Variants in CASK observed in about 807,000 individuals in gnomAD.
CASK encodes peripheral plasma membrane protein CASK.
Under a neutral mutation model 82.9 loss-of-function variants are expected in CASK, and 4 were observed. The ratio of observed to expected loss-of-function variants is 0.05; its 90% CI spans 0.02 to 0.11. The LOEUF is 0.11. Ranked by LOEUF, CASK falls within the 10% of genes least tolerant of loss-of-function variation. The probability of loss-of-function intolerance (pLI) is 1.00; values close to 1 mark genes in which losing one functional copy is unlikely to be tolerated. For synonymous variants in CASK, 259 were observed against 253.5 expected (o/e 1.02, Z -0.20); for missense variants, 358 against 720.9 (o/e 0.50, Z 5.76).
At chrX:41,634,176 G>C (rs1238455056) in intron 9 of CASK, among the ~76,000 whole-genome samples, 1 of 112,205 alleles carries the variant, frequency 8.9e-6, no homozygotes, top group Non-Finnish European at 1.9e-5. Flanking sequence ...TGTCTGGGTA[G>C]GATGAGCACC....
chrX:41,779,819 C>G (rs2069439575), intron 3 of CASK, among the ~76,000 whole-genome samples: 2 of 110,031 alleles, frequency 1.8e-5, no homozygotes, highest in Admixed American at 2.0e-4. Context: ...CACAAACACT[C>G]CCTTCCCCAG....
chrX:41,553,386 A>AT (rs1195981592), intron 21 of CASK, among the ~76,000 whole-genome samples: 1 of 111,268 alleles, frequency 9.0e-6, no homozygotes, highest in Non-Finnish European at 1.9e-5. Flanking sequence ...GAGAACGTAC[A>AT]TTTTTTTAAT....
chrX:41,570,010 C>CTTTTTTTTTTTTTTTT (rs397937722), intron 15 of CASK, among the ~76,000 whole-genome samples: 11 of 70,623 alleles, frequency 1.6e-4, no homozygotes, highest in Non-Finnish European at 2.1e-4. Flanking sequence ...TTTCTTTTTT[C>CTTTTTTTTTTTTTTTT]TTTTTTTTTT....
intron 2 of CASK, among the ~76,000 whole-genome samples, chrX:41,797,350 A>G (rs1207519125): frequency 1.8e-5 from 2 of 109,313 alleles, no homozygotes; most frequent in African/African-American, 6.7e-5. Context: ...TCAAGATCCC[A>G]CTTAGACGTT....
Position 41,517,426 on chromosome X carries a change from G to A in CASK, c.*2994C>T. ...AACTTCCAGATGAATTAAATTGAGT[G>A]ACATTTCCCTTTTTAGCATTAAAAT... On this transcript the variant is annotated 3_prime_UTR_variant, in exon 27 of 27. Coordinates refer to ENST00000378163, the MANE Select transcript of CASK (RefSeq NM_001367721.1). 6.4e-6 allele frequency: 1 copy of A among 155,191 alleles called. No individual in the cohort carries two copies. 12.8% of individuals were successfully genotyped at this position (155,191 alleles called of 1,213,427 possible). A position where few individuals can be genotyped will look rare whatever the true frequency, so the allele number is the denominator to read the frequency against.
At chrX:41,608,520 A>C (rs2065991948) in intron 12 of CASK, among the ~76,000 whole-genome samples, 1 of 112,072 alleles carries the variant, frequency 8.9e-6, no homozygotes, top group African/African-American at 3.2e-5. Flanking sequence ...ACCCCAAAGC[A>C]AGTATGATTC....
intron 5 of CASK, among the ~76,000 whole-genome samples, chrX:41,708,181 C>G (rs2067915579): frequency 9.1e-6 from 1 of 109,729 alleles, no homozygotes; most frequent in Admixed American, 9.7e-5. Flanking sequence ...AGTTGTTACA[C>G]TGACAGGAGG....
Position 41,517,666 on chromosome X carries a change from AAAAG to A in CASK, c.*2750_*2753del, listed in dbSNP as rs961420342. ...ACTCTAAACATTCATTCTGGTCTTT[AAAAG>A]AAAGAAAGAAAAAAAAAGGTTCTGC... is the stretch of plus-strand genomic sequence containing the variant. On this transcript the variant is annotated 3_prime_UTR_variant, in exon 27 of 27. Coordinates refer to ENST00000378163, the MANE Select transcript of CASK (RefSeq NM_001367721.1). 55 of 457,017 alleles carry A rather than the reference AAAAG, an allele frequency of 1.2e-4. No individual in the cohort carries two copies. Among genetic ancestry groups the A allele is most frequent in the Admixed American group, 4.7e-4 (14 of 29,907 alleles). The allele number at this position is 457,017 out of a possible 1,213,427, so 37.7% of individuals were successfully genotyped here.
At chrX:41,760,666 G>A (rs2068983455) in intron 3 of CASK, among the ~76,000 whole-genome samples, 2 of 110,984 alleles carry the variant, frequency 1.8e-5, no homozygotes, top group Admixed American at 9.6e-5. Context: ...CAACTAGGAC[G>A]TTGGTTAGTT....
rs184312606 is a variant in CASK, at chrX:41,821,451, T to C, written c.172+31664A>G. ...GGCAAGGATGTGGAAAAGCTGTAAC[T>C]CTCATACATTACTGGTAATAACATA... On this transcript the variant is annotated intron_variant, in intron 2 of 26. Coordinates refer to ENST00000378163, the MANE Select transcript of CASK (RefSeq NM_001367721.1). Among the ~76,000 whole-genome samples the C allele has an allele frequency of 1.2e-3, 135 of 112,031 alleles. 2 individuals are homozygous for C. The highest frequency in any genetic ancestry group is 4.2e-3 in the African/African-American group (131 of 30,890).
intron 3 of CASK, among the ~76,000 whole-genome samples, chrX:41,782,205 A>C (rs1057451895): frequency 2.7e-5 from 3 of 112,394 alleles, no homozygotes; most frequent in Non-Finnish European, 5.6e-5. Flanking sequence ...TAGGAATGGC[A>C]AAATGTTTTG....
intron 3 of CASK, among the ~76,000 whole-genome samples, chrX:41,749,515 A>G (rs2068753203): frequency 9.9e-6 from 1 of 101,333 alleles, no homozygotes; most frequent in African/African-American, 3.6e-5. Context: ...CCTCTCAAGT[A>G]GCTGGGACTA....
intron 2 of CASK, among the ~76,000 whole-genome samples, chrX:41,831,915 C>A (rs746258493): frequency 2.7e-5 from 3 of 111,050 alleles, no homozygotes; most frequent in Non-Finnish European, 5.7e-5. Context: ...GAGCTGAGAT[C>A]GTGCCACTGC....
chrX:41,657,324 G>T (rs934540625), intron 8 of CASK, among the ~76,000 whole-genome samples: 2 of 111,981 alleles, frequency 1.8e-5, no homozygotes, highest in East Asian at 2.8e-4. Flanking sequence ...ATTATATCAG[G>T]TGTCTGAAAC....
At chrX:41,654,984 ATTT>A (rs763099566) in intron 8 of CASK, among the ~76,000 whole-genome samples, 1 of 97,799 alleles carries the variant, frequency 1.0e-5, no homozygotes. Flanking sequence ...GGGACTCAAC[ATTT>A]TTTTTTTTTT....
intron 16 of CASK, chrX:41,562,863 A>C (rs1223565772): frequency 1.9e-5 from 2 of 106,801 alleles, no homozygotes; most frequent in Non-Finnish European, 3.8e-5. Flanking sequence ...GTTTGAGACC[A>C]GCCTGGCCAA....
intron 5 of CASK, chrX:41,696,880 C>A: frequency 2.1e-6 from 1 of 485,047 alleles, no homozygotes; most frequent in South Asian, 5.4e-5. Context: ...ACTCAGATCT[C>A]AAAGCTCTGC....
chrX:41,565,210 C>G (rs894734526), intron 16 of CASK, among the ~76,000 whole-genome samples: 4 of 111,034 alleles, frequency 3.6e-5, no homozygotes, highest in African/African-American at 1.3e-4. Flanking sequence ...CAAAAGCTAG[C>G]GGAAGGCATG....
chrX:41,704,227 C>G (rs763618856), intron 5 of CASK, among the ~76,000 whole-genome samples: 1 of 111,803 alleles, frequency 8.9e-6, no homozygotes, highest in Non-Finnish European at 1.9e-5. Context: ...AGAAGCAAAG[C>G]TAAAAATTTT....
Sources: gnomAD v4.1 joint callset for allele counts (sites outside exome capture counted in the v4.1 genomes callset) on GRCh38, gnomAD v4.1.1 for gene constraint, MANE v1.5 for transcripts, NCBI Gene and HGNC (gene_info 2026-07-23, HGNC 2026-07-21) for gene names.